Variants in PGC observed in about 807,000 individuals in gnomAD.
PGC encodes progastricsin.
In PGC, 31 loss-of-function variants were observed where a neutral mutation model predicts 45.9. The ratio of observed to expected loss-of-function variants is 0.67; its 90% CI spans 0.51 to 0.91. The LOEUF (loss-of-function observed/expected upper bound fraction) is 0.91. Ranked by LOEUF, PGC falls within the 40% of genes least tolerant of loss-of-function variation. PGC has a pLI of 0.00. For missense variants in PGC, 477 were observed against 493.2 expected (o/e 0.97, Z 0.31); for synonymous variants, 192 against 201.8 (o/e 0.95, Z 0.41).
In PGC at chr6:41,738,205, T is replaced by TATATAC. The variant is rs1771743398; in HGVS notation, c.916-378_916-377insGTATAT. On this transcript the variant is annotated intron_variant, in intron 7 of 8. Transcript: ENST00000373025. ...ATATATATATGCATATATATATGCA[T>TATATAC]ATATATATGCATATATATATGCATA... Among the ~76,000 whole-genome samples, 10 of 63,386 alleles carry TATATAC rather than the reference T, an allele frequency of 1.6e-4. 1 individual carries two copies. Among genetic ancestry groups the TATATAC allele is most frequent in the African/African-American group, 6.2e-4 (10 of 16,228 alleles). The allele number at this position is 63,386 out of a possible 152,430, so 41.6% of individuals were successfully genotyped here.
At chr6:41,746,656 C>T (rs1771935122) in intron 1 of PGC, among the ~76,000 whole-genome samples, 1 of 152,198 alleles carries the variant, frequency 6.6e-6, no homozygotes, top group South Asian at 2.1e-4. Flanking sequence ...TAATTAACCA[C>T]CTCTACCAAA....
In PGC at chr6:41,736,857, C is replaced by G. The variant is rs1187092869; in HGVS notation, c.1162G>C (p.Ala388Pro). 2.5e-6 allele frequency: 4 copies of G among 1,614,028 alleles called. No homozygotes were observed. Among genetic ancestry groups the G allele is most frequent in the Non-Finnish European group, 2.5e-6 (3 of 1,179,990 alleles). The change falls in exon 9 of 9, where the codon GCC becomes CCC. Residue 388 changes from alanine (A) to proline (P), a missense_variant. Physicochemically the swap from Ala to Pro is conservative, Grantham distance 27. Coordinates refer to ENST00000373025, the MANE Select transcript of PGC (RefSeq NM_002630.4). ...GNNRVGFATAA is the reference protein window; with the variant it reads ...GNNRVGFATAP ...CACGTGTCGAGGCAGCAAGTCTAGG[C>G]GGCAGTGGCAAAGCCTACTCTGTTG...
rs911131757 is a variant in PGC at position 41,737,012 on chromosome 6, A to G, written c.1015-8T>C. Reference sequence around the variant, plus strand: ...GGTGCAGTAGCCGTTGTTCTGCTCAACAAAGAAAGGCAGCACTCATTCATT... The same window carrying G: ...GGTGCAGTAGCCGTTGTTCTGCTCAGCAAAGAAAGGCAGCACTCATTCATT... On this transcript the variant is annotated splice_polypyrimidine_tract_variant and splice_region_variant and intron_variant, in intron 8 of 8. Coordinates refer to ENST00000373025, the MANE Select transcript of PGC (RefSeq NM_002630.4). 1 of 1,611,410 alleles carries G rather than the reference A, an allele frequency of 6.2e-7. No homozygotes were observed. Among genetic ancestry groups the G allele is most frequent in the Non-Finnish European group, 8.5e-7 (1 of 1,178,758 alleles).
At chr6:41,741,034 C>A (rs1385768677) in intron 5 of PGC, 1 of 1,536,880 alleles carries the variant, frequency 6.5e-7, no homozygotes, top group Non-Finnish European at 8.7e-7. Flanking sequence ...ACCCCCAGCC[C>A]ACACTCTGCT....
At chr6:41,741,080 T>G in intron 5 of PGC, 2 of 1,537,150 alleles carry the variant, frequency 1.3e-6, no homozygotes, top group Non-Finnish European at 1.7e-6. Context: ...CTGGTAGACA[T>G]GTCACCGGGA....
Position 41,744,255 on chromosome 6 carries a change from G to T in PGC, c.328+142C>A. On this transcript the variant is annotated intron_variant, in intron 3 of 8. Coordinates refer to ENST00000373025, the MANE Select transcript of PGC (RefSeq NM_002630.4). The surrounding 1 kb of genome is among the most constrained non-coding windows in gnomAD (Gnocchi z 4.4). ...ATCTTTCCTCTGGCTTGGGCATGCT[G>T]TGTGGCCCTGCACATGTCCCTGGTC... 1.7e-6 allele frequency: 1 copy of T among 590,712 alleles called. No homozygotes were observed. The highest frequency in any genetic ancestry group is 3.0e-6 in the Non-Finnish European group (1 of 328,488). 36.6% of individuals were successfully genotyped at this position (590,712 alleles called of 1,614,324 possible).
intron 5 of PGC, chr6:41,741,372 G>A (rs370127128): frequency 4.7e-5 from 34 of 720,476 alleles, no homozygotes; most frequent in Middle Eastern, 4.0e-4. Flanking sequence ...AAGGCCGGGC[G>A]CAGTGGCTCA....
rs1561880896 is a variant in PGC, at chr6:41,740,514, G to C, written c.744C>G (p.Leu248=). The part of the protein sequence containing the change: ...QIYWAPVTQE[L]YWQIGIEEFL... ...ACTCTTCAATGCCAATCTGCCAGTA[G>C]AGTTCCTGGGTGACAGGCGCCCAGT... The change falls in exon 6 of 9, where the codon CTC becomes CTG. Residue 248 remains leucine (L), a synonymous_variant. Transcript: ENST00000373025. The C allele has an allele frequency of 1.9e-6, 3 of 1,610,912 alleles. No individual in the cohort carries two copies. The highest frequency in any genetic ancestry group is 1.7e-5 in the Admixed American group (1 of 59,702).
rs1209614416 is a variant in PGC at position 41,736,840 on chromosome 6, G to C, written c.*12C>G. Reference sequence around the variant, plus strand: ...AGAGGAAGAGGGGAGCCCACGTGTCGAGGCAGCAAGTCTAGGCGGCAGTGG... The same window carrying C: ...AGAGGAAGAGGGGAGCCCACGTGTCCAGGCAGCAAGTCTAGGCGGCAGTGG... On this transcript the variant is annotated 3_prime_UTR_variant, in exon 9 of 9. Transcript: ENST00000373025. 6.2e-7 allele frequency: 1 copy of C among 1,613,998 alleles called. No individual in the cohort carries two copies. The highest frequency in any genetic ancestry group is 2.2e-5 in the East Asian group (1 of 44,890).
chr6:41,741,049 T>C, intron 5 of PGC: 4 of 1,537,038 alleles, frequency 2.6e-6, no homozygotes, highest in South Asian at 1.2e-5. Context: ...TCTGCTCTCC[T>C]CTCCCCTCCG....
rs367546035 is a variant in PGC, at chr6:41,744,846, C to T, written c.60-38G>A. 5.8e-5 allele frequency: 91 copies of T among 1,571,016 alleles called. No individual in the cohort carries two copies. The African/African-American group carries it at 1.1e-3, about 19-fold the overall frequency. Reference sequence around the variant, plus strand: ...TGCATATGAGGCAAGGCCCTCCCTCCTTCCTCTCTTCCCACTCCTCTCTTT... The same window carrying T: ...TGCATATGAGGCAAGGCCCTCCCTCTTTCCTCTCTTCCCACTCCTCTCTTT... On this transcript the variant is annotated intron_variant, in intron 1 of 8. Transcript: ENST00000373025. The surrounding 1 kb of genome is among the most constrained non-coding windows in gnomAD (Gnocchi z 4.4).
intron 5 of PGC, chr6:41,741,167 A>G: frequency 6.5e-7 from 1 of 1,535,398 alleles, no homozygotes; most frequent in Non-Finnish European, 8.7e-7. Flanking sequence ...GGGTAAGGAT[A>G]TTCCATGTTT....
chr6:41,741,164 G>A, intron 5 of PGC: 5 of 1,536,172 alleles, frequency 3.3e-6, no homozygotes, highest in Non-Finnish European at 4.4e-6. Flanking sequence ...AGGGGGTAAG[G>A]ATATTCCATG....
chr6:41,739,149 G>T (rs923546759), intron 7 of PGC, among the ~76,000 whole-genome samples: 2 of 152,124 alleles, frequency 1.3e-5, no homozygotes, highest in Non-Finnish European at 2.9e-5. Context: ...GGGGATAAAG[G>T]GTCAGCCCTG....
Position 41,744,550 on chromosome 6 carries a change from G to A in PGC, c.211-36C>T. On this transcript the variant is annotated intron_variant, in intron 2 of 8. Coordinates refer to ENST00000373025, the MANE Select transcript of PGC (RefSeq NM_002630.4). The surrounding 1 kb of genome is among the most constrained non-coding windows in gnomAD (Gnocchi z 4.4). ...TGGAGCAAGCTGTTAGTTCCAGAGGGATCCAGGGGCCCCAGGCTCCTCCAT... is the reference window on the plus strand; with the variant it reads ...TGGAGCAAGCTGTTAGTTCCAGAGGAATCCAGGGGCCCCAGGCTCCTCCAT... The A allele has an allele frequency of 6.3e-7, 1 of 1,589,592 alleles. No individual in the cohort carries two copies. Among genetic ancestry groups the A allele is most frequent in the Non-Finnish European group, 8.6e-7 (1 of 1,160,962 alleles).
chr6:41,744,627 A>T lies in PGC; in HGVS notation c.210+31T>A. 2 of 1,612,006 alleles carry T rather than the reference A, an allele frequency of 1.2e-6. No homozygotes were observed. The highest frequency in any genetic ancestry group is 1.7e-6 in the Non-Finnish European group (2 of 1,178,360). On this transcript the variant is annotated intron_variant, in intron 2 of 8. Coordinates refer to ENST00000373025, the MANE Select transcript of PGC (RefSeq NM_002630.4). The surrounding 1 kb of genome is among the most constrained non-coding windows in gnomAD (Gnocchi z 4.4). ...CTTCCCTCCAGCCCACACCAGAGAG[A>T]AGGCTACCGCCAGAAAGGGTCAGGA...
chr6:41,745,316 G>A (rs975030958), intron 1 of PGC, among the ~76,000 whole-genome samples: 5 of 151,174 alleles, frequency 3.3e-5, no homozygotes, highest in Non-Finnish European at 7.4e-5. Flanking sequence ...TCCGCTCACT[G>A]CAACCTCTAC....
chr6:41,740,025 G>C, intron 6 of PGC, 79 bp from the exon 7 acceptor site: 1 of 1,285,730 alleles, frequency 7.8e-7, no homozygotes, highest in Non-Finnish European at 1.1e-6. Context: ...ACCACTGTGG[G>C]ACAAAGAGCT....
chr6:41,740,172 T>C (rs1771794640), intron 6 of PGC, among the ~76,000 whole-genome samples: 2 of 152,208 alleles, frequency 1.3e-5, no homozygotes, highest in African/African-American at 2.4e-5. Flanking sequence ...CACTGATTCA[T>C]TGTAAGGACT....
Sources: gnomAD v4.1 joint callset for allele counts (sites outside exome capture counted in the v4.1 genomes callset) on GRCh38, gnomAD v4.1.1 for gene constraint, Gnocchi (gnomAD v3.1) non-coding constraint, MANE v1.5 for transcripts, NCBI Gene and HGNC (gene_info 2026-07-23, HGNC 2026-07-21) for gene names.